The following SPINK6 variants were observed in gnomAD, a reference collection of about 807,000 sequenced individuals.
SPINK6 encodes serine protease inhibitor Kazal-type 6.
A neutral mutation model predicts 11.7 loss-of-function variants in SPINK6; 13 were observed. The observed-to-expected ratio is 1.11, with a 90% CI of 0.72 to 1.76. The LOEUF is 1.76. Among genes scored for constraint, SPINK6 ranks in the 40% most tolerant of loss-of-function variants. SPINK6 has a pLI of 0.00. For missense variants in SPINK6, 98 were observed against 93.7 expected (o/e 1.05, Z -0.19); for synonymous variants, 21 against 31.9 (o/e 0.66, Z 1.15).
intron 2 of SPINK6, among the ~76,000 whole-genome samples, chr5:148,207,137 T>G (rs1329403212): frequency 6.6e-6 from 1 of 152,124 alleles, no homozygotes; most frequent in Non-Finnish European, 1.5e-5. Flanking sequence ...GTTGTATTAT[T>G]ATGTTTAAAT....
intron 2 of SPINK6, among the ~76,000 whole-genome samples, chr5:148,212,624 TATTA>T (rs1253154043): frequency 1.9e-5 from 2 of 106,984 alleles, no homozygotes; most frequent in African/African-American, 7.7e-5. Context: ...TTATATTATA[TATTA>T]TATATTATAT....
chr5:148,205,959 G>A, intron 1 of SPINK6, 77 bp from the exon 2 acceptor site: 1 of 1,494,314 alleles, frequency 6.7e-7, no homozygotes, highest in Non-Finnish European at 9.3e-7. Flanking sequence ...TAGATATTAG[G>A]AATTTCCTAA....
chr5:148,212,032 C>CTTA (rs551471321), intron 2 of SPINK6, among the ~76,000 whole-genome samples: 219 of 152,160 alleles, frequency 1.4e-3, no homozygotes, highest in Middle Eastern at 3.4e-3. Flanking sequence ...TAACCTATTG[C>CTTA]TTGTCATTAC....
intron 2 of SPINK6, among the ~76,000 whole-genome samples, chr5:148,209,989 CAT>C (rs1491117278): frequency 1.3e-5 from 2 of 149,506 alleles, no homozygotes; most frequent in South Asian, 2.1e-4. Context: ...TGTATGTATA[CAT>C]ATACACGTAT....
rs1292939259 is a variant in SPINK6, at chr5:148,212,565, A to ATATATTATATATATTTATATATTTATAT, written c.82-1333_82-1332insATTTATATATTTATATTATATTATATAT. ...GTATATATTTATATATTTATATAAT[A>ATATATTATATATATTTATATATTTATAT]TATATTATATATTATATAAATATAT... On this transcript the variant is annotated intron_variant, in intron 2 of 3. Transcript: ENST00000325630. 8.5e-3 allele frequency among the ~76,000 whole-genome samples: 687 copies of ATATATTATATATATTTATATATTTATAT among 80,928 alleles called. 13 individuals are homozygous for ATATATTATATATATTTATATATTTATAT. The highest frequency in any genetic ancestry group is 0.029 in the African/African-American group (653 of 22,326). 53.1% of individuals were successfully genotyped at this position (80,928 alleles called of 152,430 possible).
intron 3 of SPINK6, 28 bp downstream of exon 3, chr5:148,214,053 C>A (rs1251373558): frequency 7.2e-7 from 1 of 1,396,054 alleles, no homozygotes; most frequent in Non-Finnish European, 1.0e-6. Flanking sequence ...CAAAGCTGAC[C>A]CTTGCAAACA....
At chr5:148,202,988 G>T, upstream of SPINK6, 2 of 794,774 alleles carry the variant, frequency 2.5e-6, no homozygotes, top group Admixed American at 2.6e-5. Context: ...TGCATAAACT[G>T]CATAGGACTC....
chr5:148,204,020 A>G (rs953292523), intron 1 of SPINK6, among the ~76,000 whole-genome samples: 6 of 152,136 alleles, frequency 3.9e-5, no homozygotes, highest in African/African-American at 1.4e-4. Flanking sequence ...ATATTTTGTC[A>G]TTTGTAAAAT....
chr5:148,210,007 C>CATGTATGTACGCATGT (rs1755558554), intron 2 of SPINK6, among the ~76,000 whole-genome samples: 11 of 105,736 alleles, frequency 1.0e-4, no homozygotes, highest in African/African-American at 5.6e-4. Flanking sequence ...CGTATGTATA[C>CATGTATGTACGCATGT]ATGTATGTAC....
chr5:148,206,768 C>T (rs1755504146), intron 2 of SPINK6, among the ~76,000 whole-genome samples: 1 of 152,028 alleles, frequency 6.6e-6, no homozygotes, highest in South Asian at 2.1e-4. Flanking sequence ...ACTATTTGTT[C>T]TGCCAATCCT....
intron 2 of SPINK6, among the ~76,000 whole-genome samples, chr5:148,209,991 TATACAC>T (rs1755554584): frequency 2.1e-5 from 3 of 145,510 alleles, no homozygotes; most frequent in African/African-American, 7.6e-5. Flanking sequence ...TATGTATACA[TATACAC>T]GTATGTATAC....
At chr5:148,210,216 G>A (rs1342614800) in intron 2 of SPINK6, among the ~76,000 whole-genome samples, 6 of 35,652 alleles carry the variant, frequency 1.7e-4, no homozygotes, top group East Asian at 5.5e-4. Context: ...ATTTCTGCAT[G>A]CATATGTATT....
intron 2 of SPINK6, among the ~76,000 whole-genome samples, chr5:148,213,175 C>T (rs1755635500): frequency 6.6e-6 from 1 of 151,660 alleles, no homozygotes; most frequent in Non-Finnish European, 1.5e-5. Flanking sequence ...TGTCCAGTGC[C>T]CCTTGTAAGG....
chr5:148,202,876 CTATT>C, upstream of SPINK6: 1 of 408,976 alleles, frequency 2.4e-6, no homozygotes, highest in African/African-American at 2.0e-5. Context: ...ATGACATTCT[CTATT>C]AATAAGATCT....
intron 1 of SPINK6, among the ~76,000 whole-genome samples, chr5:148,205,310 T>C (rs945006254): frequency 1.1e-4 from 17 of 152,276 alleles, no homozygotes; most frequent in African/African-American, 3.8e-4. Context: ...CAGCAGCCCA[T>C]TCCAAGACTG....
At chr5:148,210,548 A>G (rs1755584459) in intron 2 of SPINK6, among the ~76,000 whole-genome samples, 1 of 151,818 alleles carries the variant, frequency 6.6e-6, no homozygotes. Flanking sequence ...AAAATCTATG[A>G]AAAATATTCT....
At chr5:148,213,746 G>A (rs1364011363) in intron 2 of SPINK6, among the ~76,000 whole-genome samples, 164 bp from the exon 3 acceptor site, 8 of 152,086 alleles carry the variant, frequency 5.3e-5, no homozygotes, top group African/African-American at 1.9e-4. Context: ...ACTTAAGTAG[G>A]TAAGTAGAAT....
chr5:148,205,874 A>G (rs1051042822), intron 1 of SPINK6, among the ~76,000 whole-genome samples, 162 bp from the exon 2 acceptor site: 5 of 152,038 alleles, frequency 3.3e-5, no homozygotes, highest in African/African-American at 4.8e-5. Flanking sequence ...ATTAAAAAAA[A>G]AAAGAAGAAG....
At chr5:148,205,994 A>G (rs1339506604) in intron 1 of SPINK6, 42 bp from the exon 2 acceptor site, 2 of 1,611,332 alleles carry the variant, frequency 1.2e-6, no homozygotes, top group Non-Finnish European at 1.7e-6. Flanking sequence ...CTTTTTGTAC[A>G]TCAATGAATT....
Sources: gnomAD v4.1 joint callset for allele counts (sites outside exome capture counted in the v4.1 genomes callset) on GRCh38, gnomAD v4.1.1 for gene constraint, MANE v1.5 for transcripts, NCBI Gene and HGNC (gene_info 2026-07-23, HGNC 2026-07-21) for gene names.